Variants in PCSK2 observed in about 807,000 individuals in gnomAD.
PCSK2 encodes the protein proprotein convertase subtilisin/kexin type 2.
PCSK2 carries 14 observed loss-of-function variants against 69.7 expected under a neutral mutation model. The observed-to-expected ratio is 0.20, with a 90% CI of 0.13 to 0.31. PCSK2 has a LOEUF of 0.31. Ranked by LOEUF, PCSK2 falls within the 10% of genes least tolerant of loss-of-function variation. The pLI, the probability that PCSK2 is intolerant of heterozygous loss-of-function variation, is 1.00. For synonymous variants in PCSK2, 307 were observed against 320.7 expected, an observed-to-expected ratio of 0.96 and a Z score of 0.46; for missense variants, 544 against 842.5, an observed-to-expected ratio of 0.65 and a Z score of 4.39.
chr20:17,344,679 T>C (rs1042762424), intron 2 of PCSK2, among the ~76,000 whole-genome samples: 2 of 152,066 alleles, frequency 1.3e-5, no homozygotes, highest in African/African-American at 4.8e-5. Flanking sequence ...GAAACAATAC[T>C]GCAACCTTTG....
At chr20:17,287,383 C>T (rs1232431334) in intron 2 of PCSK2, among the ~76,000 whole-genome samples, 1 of 149,848 alleles carries the variant, frequency 6.7e-6, no homozygotes, top group Non-Finnish European at 1.5e-5. Context: ...AATATTTATT[C>T]ATGAGGTCGG....
At chr20:17,394,613 G>C (rs2031467747) in intron 5 of PCSK2, among the ~76,000 whole-genome samples, 1 of 152,166 alleles carries the variant, frequency 6.6e-6, no homozygotes, top group African/African-American at 2.4e-5. Context: ...GAATGGCAAA[G>C]AGCACCATGA....
At chr20:17,351,621 A>T (rs1304755706) in intron 2 of PCSK2, among the ~76,000 whole-genome samples, 8 of 151,976 alleles carry the variant, frequency 5.3e-5, no homozygotes, top group African/African-American at 1.9e-4. Flanking sequence ...ATAAATGCAG[A>T]AAAAACTTTT....
intron 4 of PCSK2, among the ~76,000 whole-genome samples, chr20:17,367,135 G>T (rs189757016): frequency 1.3e-5 from 2 of 151,586 alleles, no homozygotes; most frequent in Admixed American, 1.3e-4. Flanking sequence ...TTTATATTTA[G>T]GTATAAATTA....
chr20:17,292,534 C>A (rs1988733145), intron 2 of PCSK2, among the ~76,000 whole-genome samples: 1 of 152,072 alleles, frequency 6.6e-6, no homozygotes, highest in Non-Finnish European at 1.5e-5. Flanking sequence ...TTTATCTAGA[C>A]CTGATTGTTT....
At chr20:17,366,551 G>A (rs1038082291) in intron 4 of PCSK2, among the ~76,000 whole-genome samples, 3 of 152,142 alleles carry the variant, frequency 2.0e-5, no homozygotes, top group African/African-American at 4.8e-5. Context: ...AATATTGTAA[G>A]AATTAAACAT....
intron 2 of PCSK2, among the ~76,000 whole-genome samples, chr20:17,261,610 G>T (rs1180614820): frequency 6.6e-6 from 1 of 152,310 alleles, no homozygotes; most frequent in Non-Finnish European, 1.5e-5. Flanking sequence ...ATAGAAGCCG[G>T]CACCAAGACC....
intron 2 of PCSK2, among the ~76,000 whole-genome samples, chr20:17,357,823 G>A (rs1346133701): frequency 8.5e-5 from 13 of 152,114 alleles, no homozygotes; most frequent in Admixed American, 6.5e-4. Flanking sequence ...GAACCTGGGA[G>A]GCCAAGGTTG....
At chr20:17,419,434 G>C (rs1346876631) in intron 6 of PCSK2, among the ~76,000 whole-genome samples, 1 of 152,124 alleles carries the variant, frequency 6.6e-6, no homozygotes, top group East Asian at 1.9e-4. Flanking sequence ...AAATACATTT[G>C]ACCAAACAAA....
At chr20:17,432,447 A>G (rs981071433) in intron 7 of PCSK2, among the ~76,000 whole-genome samples, 4 of 152,198 alleles carry the variant, frequency 2.6e-5, no homozygotes, top group Non-Finnish European at 4.4e-5. Context: ...GTTTATTTAC[A>G]TTTCCATTTT....
rs986298941 is a variant in PCSK2 at position 17,347,867 on chromosome 20, G to A, written c.283-10460G>A. Among the ~76,000 whole-genome samples, 54 of 46,894 alleles carry A rather than the reference G, an allele frequency of 1.2e-3. 3 individuals carry two copies. Among genetic ancestry groups the A allele is most frequent in the East Asian group, 6.7e-3 (10 of 1,488 alleles). The allele number at this position is 46,894 out of a possible 152,430, so 30.8% of individuals were successfully genotyped here. ...AAGAAAGAAAGAAAGAAAGAGGAGA[G>A]AGAAAAAAGAAAGAAAGAAAGAAAG... On this transcript the variant is annotated intron_variant, in intron 2 of 11. Coordinates refer to ENST00000262545, the MANE Select transcript of PCSK2 (RefSeq NM_002594.5).
At chr20:17,238,398 T>C (rs570896249) in intron 1 of PCSK2, among the ~76,000 whole-genome samples, 12 of 152,336 alleles carry the variant, frequency 7.9e-5, no homozygotes, top group African/African-American at 2.9e-4. Flanking sequence ...AAATGATAAT[T>C]ATAATTATGA....
At chr20:17,279,991 C>CA (rs5840762) in intron 2 of PCSK2, among the ~76,000 whole-genome samples, 23,379 of 128,262 alleles carry the variant, frequency 0.18, 2,439 homozygotes, top group East Asian at 0.55. Context: ...ATGTAGAAGA[C>CA]AAAAAAAAAA....
chr20:17,401,899 T>TA (rs1297992775), intron 5 of PCSK2, among the ~76,000 whole-genome samples: 1 of 152,224 alleles, frequency 6.6e-6, no homozygotes, highest in Non-Finnish European at 1.5e-5. Context: ...AGCCAGCTCT[T>TA]AGAGCCTCAT....
At chr20:17,459,807 A>C (rs565857490) in intron 10 of PCSK2, among the ~76,000 whole-genome samples, 4 of 152,330 alleles carry the variant, frequency 2.6e-5, no homozygotes, top group African/African-American at 9.6e-5. Flanking sequence ...GGAATACTTA[A>C]GCTGCCAGCC....
upstream of PCSK2, chr20:17,226,394 C>A (rs1221748036): frequency 6.6e-6 from 1 of 152,178 alleles, no homozygotes; most frequent in Non-Finnish European, 1.5e-5. Context: ...TTTCCCCAAC[C>A]CTCCTGGTGC....
At chr20:17,292,476 A>C (rs1410629783) in intron 2 of PCSK2, among the ~76,000 whole-genome samples, 1 of 152,200 alleles carries the variant, frequency 6.6e-6, no homozygotes, top group African/African-American at 2.4e-5. Flanking sequence ...GTGATACAGG[A>C]ATTTCTTTTG....
chr20:17,412,785 G>C (rs559718180), intron 6 of PCSK2, among the ~76,000 whole-genome samples: 1 of 152,192 alleles, frequency 6.6e-6, no homozygotes, highest in Non-Finnish European at 1.5e-5. Context: ...CAGAGAGAAA[G>C]GTCGGGTTAC....
chr20:17,404,543 G>A (rs2031712477), intron 5 of PCSK2, among the ~76,000 whole-genome samples: 1 of 152,158 alleles, frequency 6.6e-6, no homozygotes, highest in Non-Finnish European at 1.5e-5. Flanking sequence ...GGTGAGCTGG[G>A]GCTCAGTATC....
Sources: allele counts gnomAD v4.1 joint callset (sites outside exome capture counted in the v4.1 genomes callset), GRCh38; gene constraint gnomAD v4.1.1; transcripts MANE v1.5; gene names NCBI Gene and HGNC (gene_info 2026-07-23, HGNC 2026-07-21).